The following DMD variants were observed in gnomAD, a reference collection of about 807,000 sequenced individuals.
DMD encodes dystrophin.
Under a neutral mutation model 330.1 loss-of-function variants are expected in DMD, and 63 were observed. That is an observed-to-expected ratio of 0.19 (90% CI 0.16 to 0.24). The LOEUF is 0.24. DMD is among the 10% of genes least tolerant of loss of function. The pLI is 1.00. For missense variants in DMD, 3,344 were observed against 2,684.1 expected (o/e 1.25, Z -5.43); for synonymous variants, 1,223 against 959.8 (o/e 1.27, Z -5.07).
chrX:32,765,087 G>C (rs1027220888), intron 7 of DMD, among the ~76,000 whole-genome samples: 4 of 109,435 alleles, frequency 3.7e-5, no homozygotes, highest in Non-Finnish European at 7.6e-5. Context: ...GGTCTTACTG[G>C]CCAAACTTTA....
At chrX:32,707,113 A>C in intron 7 of DMD, among the ~76,000 whole-genome samples, 1 of 111,321 alleles carries the variant, frequency 9.0e-6, no homozygotes, top group Middle Eastern at 4.6e-3. Context: ...AAAAAAATCT[A>C]TATTGAAAAT....
chrX:32,389,789 C>A lies in DMD; in HGVS notation c.4345-115G>T. ...CTGAAGATATACAGAAAAATAAAAACAAAATAAAGCAGTATTTTTCCATTC... is the reference window on the plus strand; with the variant it reads ...CTGAAGATATACAGAAAAATAAAAAAAAAATAAAGCAGTATTTTTCCATTC... On this transcript the variant is annotated intron_variant, in intron 31 of 78. Transcript: ENST00000357033. The A allele has an allele frequency of 5.5e-6, 4 of 733,846 alleles. No individual in the cohort carries two copies. In the South Asian group the frequency reaches 9.7e-5, roughly 18 times the overall value. 60.5% of individuals were successfully genotyped at this position (733,846 alleles called of 1,213,427 possible).
At chrX:32,563,740 C>A (rs951936532) in intron 16 of DMD, among the ~76,000 whole-genome samples, 2 of 111,949 alleles carry the variant, frequency 1.8e-5, no homozygotes, top group African/African-American at 6.5e-5. Flanking sequence ...AAAGTAGTCC[C>A]ATTCCAAGGG....
intron 67 of DMD, among the ~76,000 whole-genome samples, chrX:31,186,896 C>T (rs944171106): frequency 8.9e-6 from 1 of 112,535 alleles, no homozygotes; most frequent in Non-Finnish European, 1.9e-5. Context: ...ACAGCCACTA[C>T]ACCACCCATG....
chrX:32,031,981 C>A (rs2095888026), intron 44 of DMD, among the ~76,000 whole-genome samples: 1 of 111,815 alleles, frequency 8.9e-6, no homozygotes, highest in Middle Eastern at 4.6e-3. Context: ...ATAAACATTT[C>A]GTTGCAAATG....
chrX:31,833,507 T>C (rs1029403418), intron 49 of DMD, among the ~76,000 whole-genome samples: 2 of 111,992 alleles, frequency 1.8e-5, no homozygotes, highest in Non-Finnish European at 3.8e-5. Context: ...ATTAGTATTA[T>C]CATTTCATAA....
At chrX:31,987,987 T>C (rs1053938365) in intron 44 of DMD, among the ~76,000 whole-genome samples, 1 of 111,932 alleles carries the variant, frequency 8.9e-6, no homozygotes, top group Non-Finnish European at 1.9e-5. Context: ...ATATATGCAA[T>C]GGGATATTAT....
At chrX:32,724,454 T>C (rs2147945463) in intron 7 of DMD, among the ~76,000 whole-genome samples, 1 of 111,965 alleles carries the variant, frequency 8.9e-6, no homozygotes, top group Admixed American at 9.5e-5. Context: ...TGACCATATG[T>C]ATTTTGTCTA....
At chrX:32,589,698 A>G (rs1461508348) in intron 13 of DMD, among the ~76,000 whole-genome samples, 1 of 111,402 alleles carries the variant, frequency 9.0e-6, no homozygotes, top group African/African-American at 3.3e-5. Context: ...AACATTTCGA[A>G]CTATAAACAT....
intron 60 of DMD, among the ~76,000 whole-genome samples, chrX:31,352,752 T>C (rs1418343938): frequency 1.8e-5 from 2 of 112,335 alleles, no homozygotes; most frequent in African/African-American, 6.5e-5. Context: ...TTTGTGTGGA[T>C]TGAATGCACA....
intron 55 of DMD, among the ~76,000 whole-genome samples, chrX:31,525,750 T>G: frequency 8.9e-6 from 1 of 112,498 alleles, no homozygotes; most frequent in Non-Finnish European, 1.9e-5. Flanking sequence ...TCTGTAAATT[T>G]CACTTTACTC....
intron 55 of DMD, among the ~76,000 whole-genome samples, chrX:31,571,236 T>C (rs933603231): frequency 2.0e-5 from 2 of 100,695 alleles, no homozygotes; most frequent in Non-Finnish European, 4.0e-5. Flanking sequence ...ATGAGTTACA[T>C]GATAAAAGAT....
At chrX:32,591,184 C>T (rs1231178710) in intron 13 of DMD, among the ~76,000 whole-genome samples, 2 of 111,549 alleles carry the variant, frequency 1.8e-5, no homozygotes, top group Admixed American at 9.5e-5. Flanking sequence ...ACTTTTAATT[C>T]TCCAAAATAT....
intron 59 of DMD, among the ~76,000 whole-genome samples, chrX:31,456,864 GTGTGTGTGTGTGTA>G (rs1412526636): frequency 1.0e-5 from 1 of 100,413 alleles, no homozygotes; most frequent in Non-Finnish European, 2.0e-5. Flanking sequence ...GTGTGTGTGT[GTGTGTGTGTGTGTA>G]TATATATATA....
chrX:31,674,518 G>T (rs1005523019), intron 53 of DMD, among the ~76,000 whole-genome samples: 3 of 112,068 alleles, frequency 2.7e-5, no homozygotes, highest in Non-Finnish European at 3.8e-5. Context: ...GCTCAAACAA[G>T]ATTTCACTTC....
intron 29 of DMD, among the ~76,000 whole-genome samples, chrX:32,420,544 T>C (rs1177234248): frequency 1.8e-5 from 2 of 111,846 alleles, no homozygotes; most frequent in Admixed American, 9.5e-5. Flanking sequence ...AACTAGTCCT[T>C]ACAATGTAGA....
intron 7 of DMD, among the ~76,000 whole-genome samples, chrX:32,802,033 C>G (rs1204843639): frequency 1.8e-5 from 2 of 111,761 alleles, no homozygotes; most frequent in African/African-American, 6.5e-5. Context: ...TAGTTTTTTT[C>G]TAATTCTGTG....
At chrX:31,532,241 C>T (rs1257069695) in intron 55 of DMD, among the ~76,000 whole-genome samples, 1 of 94,584 alleles carries the variant, frequency 1.1e-5, no homozygotes, top group African/African-American at 4.3e-5. Context: ...AGAGAAAGGT[C>T]GAGTTACCCT....
At chrX:33,073,992 A>G (rs1569552719) in intron 1 of DMD, among the ~76,000 whole-genome samples, 1 of 111,807 alleles carries the variant, frequency 8.9e-6, no homozygotes, top group Non-Finnish European at 1.9e-5. Flanking sequence ...AAAGCAAACT[A>G]AATACGGCCT....
Sources: allele counts gnomAD v4.1 joint callset (sites outside exome capture counted in the v4.1 genomes callset), GRCh38; gene constraint gnomAD v4.1.1; transcripts MANE v1.5; gene names NCBI Gene and HGNC (gene_info 2026-07-23, HGNC 2026-07-21).